Variants in FOCAD observed in about 807,000 individuals in gnomAD.
The protein encoded by FOCAD is focadhesin.
A neutral mutation model predicts 225.6 loss-of-function variants in FOCAD; 198 were observed. The observed-to-expected ratio is 0.88, with a 90% confidence interval of 0.78 to 0.99. FOCAD has a LOEUF of 0.99. FOCAD is among the 50% of genes least tolerant of loss of function. The pLI is 0.00. For missense variants in FOCAD, 2,713 were observed against 2,123.6 expected, an observed-to-expected ratio of 1.28 and a Z score of -5.46; for synonymous variants, 897 against 755.0, an observed-to-expected ratio of 1.19 and a Z score of -3.08.
rs749704093 is a variant in FOCAD at position 20,781,777 on chromosome 9, C to G, written c.1045C>G (p.Leu349Val). The G allele has an allele frequency of 5.0e-6, 8 of 1,614,002 alleles. No individual in the cohort carries two copies. In the Admixed American group the frequency reaches 1.3e-4, roughly 27 times the overall value. ...TEDQKIPKSS[L>V]LLVMPILQIL... is the part of the protein sequence containing the mutation. ...GGATCAGAAAATCCCAAAGTCCTCTCTGCTGCTAGTGATGCCAATTCTGCA... is the reference window on the plus strand; with the variant it reads ...GGATCAGAAAATCCCAAAGTCCTCTGTGCTGCTAGTGATGCCAATTCTGCA... Residue 349 changes from leucine (L) to valine (V), a missense_variant, in exon 10 of 44, where the codon CTG (leucine) becomes GTG (valine). By Grantham distance (32) the Leu-to-Val change is conservative (BLOSUM62 1). Transcript: ENST00000338382.
intron 8 of FOCAD, among the ~76,000 whole-genome samples, chr9:20,778,306 A>G (rs1818996539): frequency 6.6e-6 from 1 of 151,792 alleles, no homozygotes; most frequent in Non-Finnish European, 1.5e-5. Context: ...GTGCAGTGGC[A>G]CCATCTTGGC....
At chr9:20,765,790 A>G (rs1272792996) in intron 7 of FOCAD, among the ~76,000 whole-genome samples, 1 of 152,210 alleles carries the variant, frequency 6.6e-6, no homozygotes, top group African/African-American at 2.4e-5. Context: ...TTCATTTATC[A>G]GTCCATCTCT....
chr9:20,824,919 T>C (rs1292390328), intron 15 of FOCAD, among the ~76,000 whole-genome samples: 3 of 152,132 alleles, frequency 2.0e-5, no homozygotes, highest in Admixed American at 6.6e-5. Context: ...TTATTGATGC[T>C]TACTAAGTGT....
At chr9:20,725,859 G>A (rs1057343598) in intron 4 of FOCAD, among the ~76,000 whole-genome samples, 16 of 152,152 alleles carry the variant, frequency 1.1e-4, no homozygotes, top group African/African-American at 3.4e-4. Context: ...GTCCTAGAGT[G>A]TTCTCTGTTC....
At chr9:20,715,908 G>A (rs1241273475) in intron 2 of FOCAD, among the ~76,000 whole-genome samples, 1 of 152,166 alleles carries the variant, frequency 6.6e-6, no homozygotes, top group Non-Finnish European at 1.5e-5. Flanking sequence ...TAATTAAATA[G>A]TTAAAACAAA....
At position 20,885,270 on chromosome 9, in the gene FOCAD, C is replaced by T. The variant is rs554637536; in HGVS notation, c.2625+40C>T. ...CCTCTTCTTTATGTTTTAGTGTTTT[C>T]TCCCTTCATGATATGTTTAAGAAGT... On this transcript the variant is annotated intron_variant, in intron 21 of 43. Coordinates refer to ENST00000338382, the MANE Select transcript of FOCAD (RefSeq NM_001375567.1). The T allele has an allele frequency of 2.2e-6, 3 of 1,385,556 alleles. No homozygotes were observed. In the South Asian group the frequency reaches 6.0e-5, roughly 28 times the overall value. 85.8% of individuals were successfully genotyped at this position (1,385,556 alleles called of 1,614,324 possible).
intron 4 of FOCAD, among the ~76,000 whole-genome samples, chr9:20,734,749 A>G (rs918453292): frequency 1.3e-5 from 2 of 151,640 alleles, no homozygotes; most frequent in African/African-American, 4.9e-5. Context: ...GGCTCAAGTG[A>G]TCCTCCCACC....
At chr9:20,759,403 C>G (rs867296775) in intron 6 of FOCAD, among the ~76,000 whole-genome samples, 3 of 152,092 alleles carry the variant, frequency 2.0e-5, no homozygotes, top group African/African-American at 7.2e-5. Context: ...TCAGAAATAA[C>G]GCCGCATATC....
At chr9:20,691,948 A>G (rs1258523685) in intron 1 of FOCAD, among the ~76,000 whole-genome samples, 1 of 151,588 alleles carries the variant, frequency 6.6e-6, no homozygotes, top group Non-Finnish European at 1.5e-5. Flanking sequence ...TAATTTTTTT[A>G]TTTTTAGTAG....
intron 27 of FOCAD, among the ~76,000 whole-genome samples, chr9:20,930,938 A>G (rs1195243630): frequency 3.3e-5 from 5 of 152,226 alleles, no homozygotes; most frequent in African/African-American, 9.6e-5. Context: ...GCTACAAATG[A>G]CAGTCTCTCC....
intron 11 of FOCAD, among the ~76,000 whole-genome samples, chr9:20,794,945 C>G (rs75076846): frequency 6.3e-4 from 96 of 151,950 alleles, no homozygotes; most frequent in African/African-American, 2.2e-3. Context: ...TATATTCATA[C>G]AAAATTGAAA....
chr9:20,697,594 G>C lies in FOCAD; in HGVS notation c.-33+13301G>C, dbSNP rs900957938. Among the ~76,000 whole-genome samples, 25 of 152,228 alleles carry C rather than the reference G, an allele frequency of 1.6e-4. 1 individual carries two copies. The highest frequency in any genetic ancestry group is 1.6e-3 in the Admixed American group (24 of 15,288). On this transcript the variant is annotated intron_variant, in intron 1 of 43. Transcript: ENST00000338382. Reference sequence around the variant, plus strand: ...TGCACATTACTTCCTTCAGGTGTCTGTTCAAATGTCACTATCAGAAAGAGC... The same window carrying C: ...TGCACATTACTTCCTTCAGGTGTCTCTTCAAATGTCACTATCAGAAAGAGC...
chr9:20,955,361 T>G (rs56970274), intron 35 of FOCAD, among the ~76,000 whole-genome samples: 5,133 of 152,210 alleles, frequency 0.034, 201 homozygotes, highest in East Asian at 0.2. Flanking sequence ...TTTAGGGCTT[T>G]CTCACTTAGG....
At chr9:20,759,688 C>G (rs777481740) in intron 6 of FOCAD, among the ~76,000 whole-genome samples, 1 of 152,044 alleles carries the variant, frequency 6.6e-6, no homozygotes, top group Non-Finnish European at 1.5e-5. Flanking sequence ...TTTCTATTTT[C>G]TTTTAAAGAG....
At chr9:20,862,763 G>A (rs768773800) in intron 16 of FOCAD, 51 bp downstream of exon 16, 2 of 1,565,656 alleles carry the variant, frequency 1.3e-6, no homozygotes, top group Non-Finnish European at 1.7e-6. Context: ...GGAAAGATGT[G>A]TGTTATAATA....
chr9:20,914,167 C>T (rs1198303124), intron 23 of FOCAD, among the ~76,000 whole-genome samples: 1 of 151,834 alleles, frequency 6.6e-6, no homozygotes, highest in Non-Finnish European at 1.5e-5. Context: ...TGAGCTCTTC[C>T]TCATCCTCAC....
chr9:20,861,230 C>T (rs767990950), intron 15 of FOCAD, among the ~76,000 whole-genome samples: 3 of 152,068 alleles, frequency 2.0e-5, no homozygotes, highest in Non-Finnish European at 2.9e-5. Context: ...TCTTCCTTTA[C>T]AATAAGGTGT....
At chr9:20,938,298 C>T (rs918257899) in intron 28 of FOCAD, among the ~76,000 whole-genome samples, 1 of 152,076 alleles carries the variant, frequency 6.6e-6, no homozygotes, top group African/African-American at 2.4e-5. Context: ...TATTGCGGCA[C>T]TATTCACAAT....
chr9:20,816,238 T>TAAAACACTAGTTAAAAA (rs1190497302), intron 11 of FOCAD, among the ~76,000 whole-genome samples: 4 of 152,304 alleles, frequency 2.6e-5, no homozygotes, highest in Middle Eastern at 3.4e-3. Context: ...CACTAGTTTA[T>TAAAACACTAGTTAAAAA]AAAATGTCAG....
Sources: allele counts gnomAD v4.1 joint callset (sites outside exome capture counted in the v4.1 genomes callset), GRCh38; gene constraint gnomAD v4.1.1; transcripts MANE v1.5; gene names NCBI Gene and HGNC (gene_info 2026-07-23, HGNC 2026-07-21).